The following KALRN variants were observed in gnomAD, a reference collection of about 807,000 sequenced individuals.
The protein encoded by KALRN is kalirin RhoGEF kinase.
KALRN carries 70 observed loss-of-function variants against 353.7 expected under a neutral mutation model. The observed-to-expected ratio is 0.20, with a 90% CI of 0.16 to 0.24. The LOEUF (loss-of-function observed/expected upper bound fraction) is 0.24, where lower values mean the gene tolerates loss of function less well. KALRN is among the 10% of genes least tolerant of loss of function. The pLI is 1.00. For synonymous variants in KALRN, 1,391 were observed against 1,434.8 expected, an observed-to-expected ratio of 0.97 and a Z score of 0.69; for missense variants, 2,791 against 3,756.7, an observed-to-expected ratio of 0.74 and a Z score of 6.72.
chr3:124,178,628 G>C (rs890813896), intron 1 of KALRN, among the ~76,000 whole-genome samples: 2 of 152,144 alleles, frequency 1.3e-5, no homozygotes, highest in African/African-American at 4.8e-5. Flanking sequence ...AAAAGATACA[G>C]TAAAAATATG....
chr3:124,270,830 T>TTG (rs2074075846), intron 5 of KALRN, among the ~76,000 whole-genome samples: 1 of 17,938 alleles, frequency 5.6e-5, no homozygotes, highest in African/African-American at 2.2e-4. Context: ...TTTTGTTTTT[T>TTG]TTTTTTTTTT....
At chr3:124,179,865 C>T (rs2073328085) in intron 1 of KALRN, among the ~76,000 whole-genome samples, 1 of 152,226 alleles carries the variant, frequency 6.6e-6, no homozygotes, top group Non-Finnish European at 1.5e-5. Context: ...TTTTATTGTA[C>T]TGTACTCACC....
intron 34 of KALRN, among the ~76,000 whole-genome samples, chr3:124,599,664 C>T (rs1046682903): frequency 3.3e-5 from 5 of 152,318 alleles, no homozygotes; most frequent in African/African-American, 9.6e-5. Flanking sequence ...GTGGCCTTTA[C>T]GATCTTTTCC....
chr3:124,456,543 C>A, intron 22 of KALRN, 67 bp from the exon 23 acceptor site: 1 of 1,105,286 alleles, frequency 9.0e-7, no homozygotes, highest in Non-Finnish European at 1.4e-6. Flanking sequence ...TTACCACCTC[C>A]CTCAACTCCA....
chr3:124,207,848 G>C (rs2076545485), intron 1 of KALRN, among the ~76,000 whole-genome samples: 1 of 152,224 alleles, frequency 6.6e-6, no homozygotes, highest in African/African-American at 2.4e-5. Flanking sequence ...CACGAAAGCA[G>C]CAAGAACAAA....
intron 1 of KALRN, among the ~76,000 whole-genome samples, chr3:124,139,081 A>G (rs188713914): frequency 2.0e-5 from 3 of 152,080 alleles, no homozygotes; most frequent in Non-Finnish European, 4.4e-5. Context: ...CAGGGATAAA[A>G]GTCCTTTTGT....
At chr3:124,190,414 T>C (rs1161990677) in intron 1 of KALRN, among the ~76,000 whole-genome samples, 1 of 152,210 alleles carries the variant, frequency 6.6e-6, no homozygotes, top group African/African-American at 2.4e-5. Flanking sequence ...TGGAGCACAA[T>C]CTTAATTGAG....
rs1289934311 is a variant in KALRN at position 124,234,878 on chromosome 3, C to T, written c.198C>T (p.Ser66=). 1 of 1,609,594 alleles carries T rather than the reference C, an allele frequency of 6.2e-7. No individual in the cohort carries two copies. The highest frequency in any genetic ancestry group is 8.5e-7 in the Non-Finnish European group (1 of 1,177,742). ...CCATCCTGACCTTCCCTGCTCGCAGCAATCATGACAGAATAAGACAGGAAG... is the reference window on the plus strand; with the variant it reads ...CCATCCTGACCTTCCCTGCTCGCAGTAATCATGACAGAATAAGACAGGAAG... ...GGPILTFPAR[S]NHDRIRQEDL... Residue 66 remains serine, a synonymous_variant, in exon 3 of 60, where the codon AGC becomes AGT. Coordinates refer to ENST00000682506, the MANE Select transcript of KALRN (RefSeq NM_001388419.1).
chr3:124,694,300 A>T, intron 52 of KALRN, 32 bp from the exon 53 acceptor site: 1 of 1,601,792 alleles, frequency 6.2e-7, no homozygotes, highest in Non-Finnish European at 8.5e-7. Flanking sequence ...ATTTGCTCTG[A>T]ATGATGTTAA....
At chr3:124,448,423 C>T (rs1472615277) in intron 21 of KALRN, among the ~76,000 whole-genome samples, 2 of 152,202 alleles carry the variant, frequency 1.3e-5, no homozygotes, top group Non-Finnish European at 2.9e-5. Context: ...AACTCTACAG[C>T]TGTGCTACCC....
At chr3:124,546,710 A>G (rs2069715596) in intron 33 of KALRN, among the ~76,000 whole-genome samples, 1 of 152,180 alleles carries the variant, frequency 6.6e-6, no homozygotes, top group African/African-American at 2.4e-5. Flanking sequence ...GAAAGGAGAG[A>G]GGGAGTGTCT....
intron 6 of KALRN, among the ~76,000 whole-genome samples, chr3:124,325,331 A>C (rs1052802806): frequency 1.3e-5 from 2 of 152,168 alleles, no homozygotes; most frequent in African/African-American, 4.8e-5. Context: ...AGGGCTTCAC[A>C]GACCTTATTA....
chr3:124,608,353 T>A (rs1169449044), intron 34 of KALRN, among the ~76,000 whole-genome samples: 1 of 152,152 alleles, frequency 6.6e-6, no homozygotes, highest in Non-Finnish European at 1.5e-5. Flanking sequence ...TATTACAAAT[T>A]CACACACTTT....
intron 34 of KALRN, among the ~76,000 whole-genome samples, chr3:124,580,947 AAATAAT>A (rs145377277): frequency 7.5e-5 from 11 of 147,530 alleles, no homozygotes; most frequent in East Asian, 2.0e-4. Flanking sequence ...GTCTCTATTA[AAATAAT>A]AATAATAATA....
In KALRN at chr3:124,666,668, G is replaced by A. The variant is rs371446113; in HGVS notation, c.6531+34G>A. On this transcript the variant is annotated intron_variant, in intron 46 of 59. Coordinates refer to ENST00000682506, the MANE Select transcript of KALRN (RefSeq NM_001388419.1). ...CCCAATGGTGATGAGAAGAGGCAAG[G>A]AAGAGCCCAGTTCTTGGGAGCTGCT... is the stretch of plus-strand genomic sequence containing the variant. 960 of 1,575,362 alleles carry A rather than the reference G, an allele frequency of 6.1e-4. 2 individuals carry two copies. The highest frequency in any genetic ancestry group is 3.2e-3 in the Middle Eastern group (18 of 5,596).
intron 1 of KALRN, among the ~76,000 whole-genome samples, chr3:124,222,315 T>A (rs2078005151): frequency 6.6e-6 from 1 of 152,204 alleles, no homozygotes; most frequent in South Asian, 2.1e-4. Flanking sequence ...TTTATCTACC[T>A]CCCAGATAGC....
At chr3:124,712,269 A>G (rs2062927478) in intron 57 of KALRN, among the ~76,000 whole-genome samples, 1 of 152,204 alleles carries the variant, frequency 6.6e-6, no homozygotes. Context: ...ATGGCCCCAC[A>G]AAGAGTTAGC....
At chr3:124,199,940 T>C (rs1017604561) in intron 1 of KALRN, among the ~76,000 whole-genome samples, 2 of 152,240 alleles carry the variant, frequency 1.3e-5, no homozygotes, top group African/African-American at 4.8e-5. Context: ...CATGTTCTTT[T>C]GGCAAGAGTA....
chr3:124,208,103 A>T (rs1206829986), intron 1 of KALRN, among the ~76,000 whole-genome samples: 12 of 152,184 alleles, frequency 7.9e-5, no homozygotes. Flanking sequence ...CTGGCCATGC[A>T]GCTTCTTTGG....
Sources: allele counts gnomAD v4.1 joint callset (sites outside exome capture counted in the v4.1 genomes callset), GRCh38; gene constraint gnomAD v4.1.1; transcripts MANE v1.5; gene names NCBI Gene and HGNC (gene_info 2026-07-23, HGNC 2026-07-21).